ADGRV1: variants seen among roughly 807,000 people sequenced by gnomAD.
ADGRV1 encodes the protein adhesion G protein-coupled receptor V1.
A neutral mutation model predicts 596.2 loss-of-function variants in ADGRV1; 359 were observed. The ratio of observed to expected loss-of-function variants is 0.60; its 90% CI spans 0.55 to 0.66. ADGRV1 has a LOEUF of 0.66. Ranked by LOEUF, ADGRV1 falls within the 30% of genes least tolerant of loss-of-function variation. The pLI is 0.00. For synonymous variants in ADGRV1, 2,681 were observed against 2,679.2 expected (o/e 1.00, Z -0.02); for missense variants, 7,274 against 7,575.6 (o/e 0.96, Z 1.48).
rs1755139764 is a variant in ADGRV1 at position 90,750,649 on chromosome 5, A to G, written c.11073A>G (p.Ala3691=). Residue 3691 remains alanine (A), a synonymous_variant, in exon 53 of 90, where the codon GCA becomes GCG. Coordinates refer to ENST00000405460, the MANE Select transcript of ADGRV1 (RefSeq NM_032119.4). ...GAACATATGGCCGTATAACCATAGC[A>G]TGGGAAGCTGATGGAAGTATTAGTG... ...LKGTYGRITI[A]WEADGSISDI... The G allele has an allele frequency of 1.2e-6, 2 of 1,612,684 alleles. No individual in the cohort carries two copies. The highest frequency in any genetic ancestry group is 1.7e-6 in the Non-Finnish European group (2 of 1,178,768).
intron 45 of ADGRV1, among the ~76,000 whole-genome samples, chr5:90,721,519 TAAAA>T (rs1561594694): frequency 5.6e-4 from 29 of 52,068 alleles, no homozygotes; most frequent in African/African-American, 2.2e-3. Context: ...TAAAATAAAA[TAAAA>T]TAAAAATAAA....
intron 85 of ADGRV1, among the ~76,000 whole-genome samples, chr5:91,066,044 G>A (rs571220205): frequency 8.6e-4 from 131 of 152,186 alleles, no homozygotes; most frequent in Admixed American, 2.3e-3. Context: ...GAAGCTGGTT[G>A]AGCTGCAATT....
At chr5:90,765,756 A>G (rs1436595741) in intron 59 of ADGRV1, among the ~76,000 whole-genome samples, 1 of 151,602 alleles carries the variant, frequency 6.6e-6, no homozygotes. Flanking sequence ...CCAGGCAGTA[A>G]TGCAGTGATG....
At chr5:91,050,020 T>C (rs1285726412) in intron 85 of ADGRV1, among the ~76,000 whole-genome samples, 1 of 152,204 alleles carries the variant, frequency 6.6e-6, no homozygotes, top group African/African-American at 2.4e-5. Flanking sequence ...CCAGGGAGAA[T>C]TCCAGATGTC....
intron 85 of ADGRV1, among the ~76,000 whole-genome samples, chr5:91,023,498 T>G (rs1783803465): frequency 6.6e-6 from 1 of 152,168 alleles, no homozygotes; most frequent in African/African-American, 2.4e-5. Context: ...TCTTTTTCTT[T>G]TGTTTGGTTT....
At chr5:90,831,620 A>G (rs1314368870) in intron 77 of ADGRV1, among the ~76,000 whole-genome samples, 2 of 152,016 alleles carry the variant, frequency 1.3e-5, no homozygotes, top group African/African-American at 4.8e-5. Context: ...ATTATTGTTG[A>G]CTATAGTCGT....
chr5:91,142,536 G>A (rs1431815568), intron 87 of ADGRV1, among the ~76,000 whole-genome samples: 2 of 152,104 alleles, frequency 1.3e-5, no homozygotes, highest in African/African-American at 4.8e-5. Context: ...TTGTAAAAAG[G>A]TCTCAAAAGA....
chr5:90,976,157 C>A (rs1779554646), intron 84 of ADGRV1, among the ~76,000 whole-genome samples: 1 of 150,142 alleles, frequency 6.7e-6, no homozygotes, highest in South Asian at 2.1e-4. Flanking sequence ...ATATTCCATG[C>A]ATAGACAAAT....
At position 90,848,831 on chromosome 5, in the gene ADGRV1, T is replaced by C; in HGVS notation, c.17204+10T>C. On this transcript the variant is annotated intron_variant, in intron 79 of 89. Coordinates refer to ENST00000405460, the MANE Select transcript of ADGRV1 (RefSeq NM_032119.4). ...GCTCTCCTGGTGAAAAGTAAGTATC[T>C]TTTAATATATTAGCAGTACCTTTTA... 1 of 1,564,162 alleles carries C rather than the reference T, an allele frequency of 6.4e-7. No homozygotes were observed. The highest frequency in any genetic ancestry group is 8.6e-7 in the Non-Finnish European group (1 of 1,158,054).
chr5:90,977,537 A>T (rs920594577), intron 84 of ADGRV1, among the ~76,000 whole-genome samples: 2 of 152,224 alleles, frequency 1.3e-5, no homozygotes, highest in African/African-American at 4.8e-5. Flanking sequence ...TATTTTACTC[A>T]TATGCTAATA....
At chr5:90,788,734 A>T (rs1434756270) in intron 68 of ADGRV1, among the ~76,000 whole-genome samples, 1 of 152,178 alleles carries the variant, frequency 6.6e-6, no homozygotes, top group Non-Finnish European at 1.5e-5. Context: ...TGGGACCAAG[A>T]CTACTGAAAA....
At chr5:90,882,312 A>G (rs534804461) in intron 83 of ADGRV1, among the ~76,000 whole-genome samples, 1 of 152,358 alleles carries the variant, frequency 6.6e-6, no homozygotes, top group African/African-American at 2.4e-5. Flanking sequence ...AAGAGAAGAA[A>G]GGAAATATTG....
chr5:91,063,643 A>G (rs1787641476), intron 85 of ADGRV1, among the ~76,000 whole-genome samples: 1 of 152,230 alleles, frequency 6.6e-6, no homozygotes, highest in Non-Finnish European at 1.5e-5. Flanking sequence ...CTGTTTAGAA[A>G]TAACTCCAAG....
At chr5:90,571,879 C>G (rs927209668) in intron 1 of ADGRV1, among the ~76,000 whole-genome samples, 1 of 152,104 alleles carries the variant, frequency 6.6e-6, no homozygotes, top group Non-Finnish European at 1.5e-5. Context: ...CCTGGAGATT[C>G]AGCTGTATTT....
At chr5:91,031,278 G>GT in intron 85 of ADGRV1, 2 of 1,572,710 alleles carry the variant, frequency 1.3e-6, no homozygotes, top group South Asian at 1.1e-5. Flanking sequence ...CCAGCCTGTT[G>GT]TAAGTCTCAT....
At chr5:90,809,789 T>C (rs13358526) in intron 73 of ADGRV1, among the ~76,000 whole-genome samples, 1,913 of 152,288 alleles carry the variant, frequency 0.013, 45 homozygotes, top group African/African-American at 0.044. Flanking sequence ...GCATGAGAGG[T>C]TAGTTCCATT....
At chr5:90,885,054 T>C (rs1770147496) in intron 83 of ADGRV1, among the ~76,000 whole-genome samples, 1 of 152,144 alleles carries the variant, frequency 6.6e-6, no homozygotes. Context: ...CAGCCCCACA[T>C]TGTTTTATAT....
chr5:90,685,463 T>C (rs562206311), intron 28 of ADGRV1, among the ~76,000 whole-genome samples: 3 of 152,114 alleles, frequency 2.0e-5, no homozygotes, highest in Non-Finnish European at 2.9e-5. Flanking sequence ...CACGTGCCTG[T>C]AGTCCCAGCT....
chr5:90,822,418 A>G (rs1271267549), intron 75 of ADGRV1, among the ~76,000 whole-genome samples: 1 of 152,096 alleles, frequency 6.6e-6, no homozygotes. Flanking sequence ...AGCTGTTCCT[A>G]TTCGGCCATC....
Sources: gnomAD v4.1 joint callset for allele counts (sites outside exome capture counted in the v4.1 genomes callset) on GRCh38, gnomAD v4.1.1 for gene constraint, MANE v1.5 for transcripts, NCBI Gene and HGNC (gene_info 2026-07-23, HGNC 2026-07-21) for gene names.